PSMB7: variants seen among roughly 807,000 people sequenced by gnomAD.
PSMB7 encodes proteasome subunit beta type-7.
A neutral mutation model predicts 28.1 loss-of-function variants in PSMB7; 5 were observed. The ratio of observed to expected loss-of-function variants is 0.18; its 90% confidence interval spans 0.09 to 0.37. The LOEUF is 0.37. PSMB7 is among the 10% of genes least tolerant of loss of function. The pLI is 1.00. For synonymous variants in PSMB7, 122 were observed against 123.7 expected (o/e 0.99, Z 0.09); for missense variants, 275 against 346.2 (o/e 0.79, Z 1.63).
chr9:124,377,452 G>T (rs924760181), intron 6 of PSMB7, among the ~76,000 whole-genome samples: 1 of 152,126 alleles, frequency 6.6e-6, no homozygotes, highest in African/African-American at 2.4e-5. Context: ...AAGCACAAAT[G>T]AACCTGCAAC....
At position 124,374,734 on chromosome 9, in the gene PSMB7, G is replaced by C. The variant is rs371829994; in HGVS notation, c.570+9864C>G. Reference sequence around the variant, plus strand: ...AGCTACTTGGGAGGCTCAGGCAGGAGGATCCCTTGAACCCAGGCATTCAAG... The same window carrying C: ...AGCTACTTGGGAGGCTCAGGCAGGACGATCCCTTGAACCCAGGCATTCAAG... On this transcript the variant is annotated intron_variant, in intron 6 of 7. Transcript: ENST00000259457. Among the ~76,000 whole-genome samples the C allele has an allele frequency of 7.2e-5, 11 of 152,206 alleles. No homozygotes were observed. The East Asian group carries it at 1.2e-3, about 16-fold the overall frequency.
At chr9:124,400,747 A>C (rs1243735164) in intron 5 of PSMB7, among the ~76,000 whole-genome samples, 1 of 58,808 alleles carries the variant, frequency 1.7e-5, no homozygotes, top group Non-Finnish European at 3.3e-5. Flanking sequence ...CTTGCAACAG[A>C]GAATTCTGGC....
intron 5 of PSMB7, among the ~76,000 whole-genome samples, chr9:124,398,075 C>T (rs913084816): frequency 2.0e-5 from 3 of 151,728 alleles, no homozygotes; most frequent in Admixed American, 6.6e-5. Context: ...ACTTGGGAGG[C>T]GGAGGCAGGA....
At chr9:124,412,843 T>C (rs1452233772) in intron 3 of PSMB7, among the ~76,000 whole-genome samples, 1 of 152,166 alleles carries the variant, frequency 6.6e-6, no homozygotes, top group Non-Finnish European at 1.5e-5. Flanking sequence ...TACTATCAGA[T>C]ACCAGTAATT....
At position 124,382,499 on chromosome 9, in the gene PSMB7, C is replaced by T. The variant is rs182051587; in HGVS notation, c.570+2099G>A. On this transcript the variant is annotated intron_variant, in intron 6 of 7. Coordinates refer to ENST00000259457, the MANE Select transcript of PSMB7 (RefSeq NM_002799.4). ...TTGGGATTATAGGCATGAGCCGCTG[C>T]GCCCAGTCGAGACTCTGTCTCTAAA... Among the ~76,000 whole-genome samples, 261 of 152,174 alleles carry T rather than the reference C, an allele frequency of 1.7e-3. 2 individuals carry two copies. The highest frequency in any genetic ancestry group is 5.7e-3 in the African/African-American group (237 of 41,502).
At chr9:124,392,655 A>G (rs1830799226) in intron 5 of PSMB7, among the ~76,000 whole-genome samples, 1 of 152,198 alleles carries the variant, frequency 6.6e-6, no homozygotes, top group Non-Finnish European at 1.5e-5. Flanking sequence ...CCAGGCAGCT[A>G]TTTTATACAA....
intron 6 of PSMB7, among the ~76,000 whole-genome samples, chr9:124,360,476 G>A (rs1244525982): frequency 6.6e-6 from 1 of 152,234 alleles, no homozygotes; most frequent in East Asian, 1.9e-4. Context: ...CAGGTGCGAT[G>A]CTCTCTCCCA....
intron 6 of PSMB7, among the ~76,000 whole-genome samples, chr9:124,365,591 C>T (rs984868750): frequency 3.3e-5 from 5 of 152,146 alleles, no homozygotes; most frequent in South Asian, 2.1e-4. Flanking sequence ...TGGACAACAA[C>T]GGACTGCATA....
At chr9:124,358,114 C>T (rs1445755936) in intron 6 of PSMB7, among the ~76,000 whole-genome samples, 6 of 152,210 alleles carry the variant, frequency 3.9e-5, no homozygotes, top group Non-Finnish European at 8.8e-5. Context: ...TGCAAGTGCA[C>T]TCCAGCGCTC....
intron 6 of PSMB7, among the ~76,000 whole-genome samples, chr9:124,361,865 T>C (rs1316414424): frequency 6.6e-6 from 1 of 152,268 alleles, no homozygotes; most frequent in Non-Finnish European, 1.5e-5. Context: ...CAAGAAACTT[T>C]TTCCGCATTA....
chr9:124,413,881 G>A, intron 3 of PSMB7, 27 bp downstream of exon 3: 2 of 1,460,814 alleles, frequency 1.4e-6, no homozygotes, highest in Admixed American at 1.7e-5. Context: ...GAAAATATAA[G>A]AGTTATTCAA....
intron 6 of PSMB7, among the ~76,000 whole-genome samples, chr9:124,381,556 C>G (rs1001062897): frequency 3.3e-5 from 5 of 152,212 alleles, no homozygotes; most frequent in Admixed American, 1.3e-4. Context: ...TCACCCAATT[C>G]TGTGGTCTCT....
chr9:124,391,703 C>T (rs913457574), intron 5 of PSMB7, among the ~76,000 whole-genome samples: 1 of 150,968 alleles, frequency 6.6e-6, no homozygotes, highest in Non-Finnish European at 1.5e-5. Context: ...GAAGGTGTTT[C>T]GATCTTAGCT....
At chr9:124,414,967 G>A (rs1466246038) in intron 1 of PSMB7, 32 bp from the exon 2 acceptor site, 2 of 1,470,948 alleles carry the variant, frequency 1.4e-6, no homozygotes, top group East Asian at 2.3e-5. Context: ...AAGTGTTGAA[G>A]GGCAGGACCA....
chr9:124,404,232 C>T (rs1444033516), intron 5 of PSMB7, among the ~76,000 whole-genome samples: 1 of 151,916 alleles, frequency 6.6e-6, no homozygotes, highest in Non-Finnish European at 1.5e-5. Context: ...CACCCCAGCC[C>T]CTGCCCACAA....
At chr9:124,405,993 C>T (rs1830958613) in intron 4 of PSMB7, among the ~76,000 whole-genome samples, 1 of 152,018 alleles carries the variant, frequency 6.6e-6, no homozygotes, top group Non-Finnish European at 1.5e-5. Flanking sequence ...GCCCACAGTC[C>T]CCTTTAAAAG....
chr9:124,403,106 C>T (rs925489108), intron 5 of PSMB7, among the ~76,000 whole-genome samples: 2 of 151,992 alleles, frequency 1.3e-5, no homozygotes, highest in African/African-American at 2.4e-5. Context: ...GGAAAAACAC[C>T]AGCTACACGA....
chr9:124,371,886 C>T (rs1171864279), intron 6 of PSMB7, among the ~76,000 whole-genome samples: 1 of 152,166 alleles, frequency 6.6e-6, no homozygotes, highest in Non-Finnish European at 1.5e-5. Flanking sequence ...AAGTTTTTTG[C>T]TTGCTGGACT....
intron 6 of PSMB7, among the ~76,000 whole-genome samples, chr9:124,378,237 A>G (rs1485595683): frequency 2.0e-5 from 3 of 152,258 alleles, no homozygotes; most frequent in Non-Finnish European, 4.4e-5. Flanking sequence ...CATGGCTCTC[A>G]TGGGACGCCA....
Sources: gnomAD v4.1 joint callset for allele counts (sites outside exome capture counted in the v4.1 genomes callset) on GRCh38, gnomAD v4.1.1 for gene constraint, MANE v1.5 for transcripts, NCBI Gene and HGNC (gene_info 2026-07-23, HGNC 2026-07-21) for gene names.